Variants in WSCD2 observed in about 807,000 individuals in gnomAD.
The protein encoded by WSCD2 is WSC domain sialate O sulfotransferase 2.
In WSCD2, 28 loss-of-function variants were observed where a neutral mutation model predicts 55.7. The ratio of observed to expected loss-of-function variants is 0.50; its 90% confidence interval spans 0.37 to 0.69. The LOEUF (loss-of-function observed/expected upper bound fraction) is 0.69. WSCD2 is among the 30% of genes least tolerant of loss of function. The probability of loss-of-function intolerance (pLI) is 0.00; values close to 1 mark genes in which losing one functional copy is unlikely to be tolerated. For missense variants in WSCD2, 616 were observed against 762.1 expected (o/e 0.81, Z 2.26); for synonymous variants, 301 against 301.9 (o/e 1.00, Z 0.03).
chr12:108,150,708 C>T, intron 1 of WSCD2, among the ~76,000 whole-genome samples: 1 of 152,124 alleles, frequency 6.6e-6, no homozygotes, highest in East Asian at 1.9e-4. Flanking sequence ...CCACTTTGAC[C>T]TTCCCTTTGG....
At chr12:108,204,592 C>T (rs1304830030) in intron 2 of WSCD2, among the ~76,000 whole-genome samples, 4 of 152,206 alleles carry the variant, frequency 2.6e-5, no homozygotes. Flanking sequence ...GGGGCGCGCG[C>T]TGTTGAACAA....
chr12:108,198,641 G>T (rs1240063755), intron 2 of WSCD2, among the ~76,000 whole-genome samples: 1 of 152,132 alleles, frequency 6.6e-6, no homozygotes, highest in Non-Finnish European at 1.5e-5. Flanking sequence ...TTGTCTATTT[G>T]CTTTTCATGT....
At chr12:108,208,121 G>A (rs1885651292) in intron 3 of WSCD2, among the ~76,000 whole-genome samples, 1 of 152,174 alleles carries the variant, frequency 6.6e-6, no homozygotes, top group Non-Finnish European at 1.5e-5. Context: ...GTGGGTGCTG[G>A]ACCTGATTCC....
rs977475002 is a variant in WSCD2 at position 108,129,449 on chromosome 12, C to T, written c.-1029C>T. 2.0e-5 allele frequency: 3 copies of T among 151,456 alleles called. No individual in the cohort carries two copies. Among genetic ancestry groups the T allele is most frequent in the Non-Finnish European group, 4.4e-5 (3 of 67,806 alleles). The allele number at this position is 151,456 out of a possible 1,614,324, so 9.4% of individuals were successfully genotyped here. A position where few individuals can be genotyped will look rare whatever the true frequency, so the allele number is the denominator to read the frequency against. ...GCCGAGCCGCAGCCGGTGCCCTGCG[C>T]GCACCGGGCCCGGGCATCTCCATCC... On this transcript the variant is annotated 5_prime_UTR_variant, in exon 1 of 9. Transcript: ENST00000547525.
intron 1 of WSCD2, among the ~76,000 whole-genome samples, chr12:108,183,929 C>T (rs1305199963): frequency 6.6e-6 from 1 of 152,194 alleles, no homozygotes. Flanking sequence ...AGCAGAGCCC[C>T]TGGGGAGAGG....
At chr12:108,176,358 TTTGTG>T (rs1332832013) in intron 1 of WSCD2, among the ~76,000 whole-genome samples, 1 of 152,174 alleles carries the variant, frequency 6.6e-6, no homozygotes, top group African/African-American at 2.4e-5. Context: ...CACTATCTGT[TTTGTG>T]TTGTCTTTCT....
chr12:108,175,226 A>G (rs1010398062), intron 1 of WSCD2, among the ~76,000 whole-genome samples: 3 of 152,208 alleles, frequency 2.0e-5, no homozygotes, highest in Non-Finnish European at 4.4e-5. Context: ...AATGCACAGC[A>G]CCGGACAGTT....
chr12:108,224,988 T>C, intron 5 of WSCD2, 128 bp downstream of exon 5: 1 of 1,362,958 alleles, frequency 7.3e-7, no homozygotes, highest in Non-Finnish European at 9.9e-7. Context: ...CTGGGATCTA[T>C]GACGTGGGAG....
At chr12:108,226,880 C>A in intron 5 of WSCD2, 110 bp from the exon 6 acceptor site, 1 of 1,327,806 alleles carries the variant, frequency 7.5e-7, no homozygotes, top group Non-Finnish European at 1.0e-6. Flanking sequence ...TTAAGGGAGA[C>A]TGACAGAGAA....
Position 108,249,670 on chromosome 12 carries a change from C to G in WSCD2, c.*1327C>G, listed in dbSNP as rs1890320728. Reference sequence around the variant, plus strand: ...GCCTCCCTAGGCAGTCCCTCTGAAGCCTTGGAGTGCAGGTAAATGCTCATT... The same window carrying G: ...GCCTCCCTAGGCAGTCCCTCTGAAGGCTTGGAGTGCAGGTAAATGCTCATT... On this transcript the variant is annotated 3_prime_UTR_variant, in exon 9 of 9. Transcript: ENST00000547525. 6.6e-6 allele frequency: 1 copy of G among 152,616 alleles called. No homozygotes were observed. The highest frequency in any genetic ancestry group is 6.5e-5 in the Admixed American group (1 of 15,274). The allele number at this position is 152,616 out of a possible 1,614,324, so 9.5% of individuals were successfully genotyped here.
intron 1 of WSCD2, among the ~76,000 whole-genome samples, chr12:108,154,208 C>T (rs77443535): frequency 7.9e-5 from 12 of 152,202 alleles, no homozygotes; most frequent in African/African-American, 2.2e-4. Flanking sequence ...TAAAACAGCA[C>T]GCATTTATTC....
At chr12:108,167,140 C>A (rs1485106774) in intron 1 of WSCD2, among the ~76,000 whole-genome samples, 1 of 152,098 alleles carries the variant, frequency 6.6e-6, no homozygotes, top group Non-Finnish European at 1.5e-5. Context: ...GGGGATGCCA[C>A]TTCTCCTCTC....
intron 5 of WSCD2, 127 bp from the exon 6 acceptor site, chr12:108,226,863 C>G (rs1888151529): frequency 2.6e-6 from 3 of 1,168,908 alleles, no homozygotes; most frequent in African/African-American, 1.6e-5. Context: ...ATTTGGGGAC[C>G]CTCAAGTTAA....
chr12:108,134,840 A>C (rs999683648), intron 1 of WSCD2, among the ~76,000 whole-genome samples: 10 of 152,192 alleles, frequency 6.6e-5, no homozygotes, highest in African/African-American at 2.4e-4. Context: ...GTATTCATCT[A>C]GTCTTCTGTC....
intron 5 of WSCD2, among the ~76,000 whole-genome samples, chr12:108,225,371 C>G (rs763962940): frequency 6.6e-6 from 1 of 152,144 alleles, no homozygotes; most frequent in African/African-American, 2.4e-5. Flanking sequence ...AAAACCCACC[C>G]CCATGATTCA....
At chr12:108,142,795 TTCTC>T (rs749291192) in intron 1 of WSCD2, among the ~76,000 whole-genome samples, 6 of 151,416 alleles carry the variant, frequency 4.0e-5, no homozygotes, top group South Asian at 4.2e-4. Flanking sequence ...TTCTCCTTCC[TTCTC>T]TCTCTCTCTC....
chr12:108,173,865 T>C (rs1671015261), intron 1 of WSCD2, among the ~76,000 whole-genome samples: 1 of 149,720 alleles, frequency 6.7e-6, no homozygotes, highest in Non-Finnish European at 1.5e-5. Context: ...TCAGGGACTA[T>C]CAGGGGTTTG....
intron 4 of WSCD2, among the ~76,000 whole-genome samples, chr12:108,211,817 C>T (rs1433924086): frequency 1.4e-5 from 1 of 70,774 alleles, no homozygotes; most frequent in East Asian, 3.1e-4. Flanking sequence ...CCATGCCTGG[C>T]TAATTTTTTT....
intron 1 of WSCD2, among the ~76,000 whole-genome samples, chr12:108,180,050 C>CA (rs59925486): frequency 0.014 from 1,688 of 116,660 alleles, 9 homozygotes; most frequent in Middle Eastern, 0.023. Context: ...CTCAAAAAAA[C>CA]AAAAAAAAAA....
Sources: gnomAD v4.1 joint callset for allele counts (sites outside exome capture counted in the v4.1 genomes callset) on GRCh38, gnomAD v4.1.1 for gene constraint, MANE v1.5 for transcripts, NCBI Gene and HGNC (gene_info 2026-07-23, HGNC 2026-07-21) for gene names.